The following ANKRD23 variants were observed in gnomAD, a reference collection of about 807,000 sequenced individuals.
ANKRD23 encodes the protein ankyrin repeat domain 23, also known as ankyrin repeat domain-containing protein 23.
ANKRD23 carries 52 observed loss-of-function variants against 38.1 expected under a neutral mutation model. That is an observed-to-expected ratio of 1.36 (90% CI 1.09 to 1.72). ANKRD23 has a LOEUF of 1.72. Among genes scored for constraint, ANKRD23 ranks in the 40% most tolerant of loss-of-function variants. The pLI is 0.00. For missense variants in ANKRD23, 416 were observed against 400.2 expected (o/e 1.04, Z -0.34); for synonymous variants, 167 against 162.9 (o/e 1.03, Z -0.19).
chr2:96,839,917 C>A (rs1462297735), intron 7 of ANKRD23, 80 bp downstream of exon 7: 1 of 1,547,692 alleles, frequency 6.5e-7, no homozygotes, highest in Non-Finnish European at 8.7e-7. Context: ...GCAGACAGCA[C>A]CTCTGGTCCT....
Position 96,839,773 on chromosome 2 carries a change from A to T in ANKRD23, c.776T>A (p.Met259Lys), listed in dbSNP as rs200423018. 1.2e-6 allele frequency: 2 copies of T among 1,613,328 alleles called. No individual in the cohort carries two copies. Among genetic ancestry groups the T allele is most frequent in the Admixed American group, 1.7e-5 (1 of 60,006 alleles). ...GGCCCCATAGAGCAGCAGTAGCTTC[A>T]TGGCTTTGTAGCTGCCGTGCCGCAC... ...EAVRHGSYKAMKLLLLYGAEL... is the reference protein window; with the variant it reads ...EAVRHGSYKAKKLLLLYGAEL... Residue 259 changes from methionine (M) to lysine (K), a missense_variant, in exon 8 of 9, where the codon ATG (methionine) becomes AAG (lysine). Met to Lys is a moderately conservative substitution (Grantham distance 95). Coordinates refer to ENST00000318357, the MANE Select transcript of ANKRD23 (RefSeq NM_144994.8).
Position 96,839,095 on chromosome 2 carries a change from C to G in ANKRD23, c.*454G>C. The G allele has an allele frequency of 1.0e-6, 1 of 989,734 alleles. No individual in the cohort carries two copies. Among genetic ancestry groups the G allele is most frequent in the Non-Finnish European group, 1.2e-6 (1 of 833,030 alleles). 61.3% of individuals were successfully genotyped at this position (989,734 alleles called of 1,614,324 possible). A position where few individuals can be genotyped will look rare whatever the true frequency, so the allele number is the denominator to read the frequency against. On this transcript the variant is annotated 3_prime_UTR_variant, in exon 9 of 9. Transcript: ENST00000318357. Reference sequence around the variant, plus strand: ...GCACCTTGTACATCCTGGATGGCATCTGCCGGCCACGGGCTGAGTCCCCAC... The same window carrying G: ...GCACCTTGTACATCCTGGATGGCATGTGCCGGCCACGGGCTGAGTCCCCAC...
chr2:96,842,431 C>G lies in ANKRD23; in HGVS notation c.108G>C (p.Trp36Cys). 6.2e-7 allele frequency: 1 copy of G among 1,614,054 alleles called. No individual in the cohort carries two copies. Among genetic ancestry groups the G allele is most frequent in the Non-Finnish European group, 8.5e-7 (1 of 1,180,022 alleles). Reference sequence around the variant, plus strand: ...CCACAGCCTCTTGGGGGCCCCTCCTCCAGTCACTAGGCCAGGCTCCAGGGT... The same window carrying G: ...CCACAGCCTCTTGGGGGCCCCTCCTGCAGTCACTAGGCCAGGCTCCAGGGT... ...VPDPGAWPSD[W>C]RRGPQEAVAR... The change falls in exon 2 of 9, where the codon TGG becomes TGC. Residue 36 changes from tryptophan to cysteine, a missense_variant. Physicochemically the swap from Trp to Cys is radical, Grantham distance 215 (BLOSUM62 -2). Coordinates refer to ENST00000318357, the MANE Select transcript of ANKRD23 (RefSeq NM_144994.8).
chr2:96,843,036 G>T (rs1225165835), intron 1 of ANKRD23, among the ~76,000 whole-genome samples: 1 of 152,234 alleles, frequency 6.6e-6, no homozygotes, highest in Non-Finnish European at 1.5e-5. Flanking sequence ...AAGGAGTTGT[G>T]AAGGTTATGA....
At chr2:96,841,228 C>T (rs1006575536) in intron 3 of ANKRD23, 18 of 264,032 alleles carry the variant, frequency 6.8e-5, no homozygotes, top group Non-Finnish European at 1.0e-4. Flanking sequence ...GTCACACCGG[C>T]GTATGGTGGG....
intron 1 of ANKRD23, among the ~76,000 whole-genome samples, chr2:96,843,003 C>T (rs1256460931): frequency 6.6e-6 from 1 of 152,222 alleles, no homozygotes; most frequent in Non-Finnish European, 1.5e-5. Context: ...CATTTAAGCT[C>T]AAACACTTAA....
chr2:96,842,780 G>C (rs2079776120), intron 1 of ANKRD23, among the ~76,000 whole-genome samples: 1 of 152,240 alleles, frequency 6.6e-6, no homozygotes. Flanking sequence ...CAGGAACACA[G>C]CTGGGGGGAC....
At chr2:96,843,552 T>TG (rs2079783228) in intron 1 of ANKRD23, among the ~76,000 whole-genome samples, 10 of 152,294 alleles carry the variant, frequency 6.6e-5, no homozygotes, top group African/African-American at 2.4e-4. Context: ...CTGTTCCTCT[T>TG]TCACCATCAC....
rs2079729267 is a variant in ANKRD23, at chr2:96,839,296, G to C, written c.*253C>G. ...GCCCTCATCTGGACCCGCGCTTTCTGCTGCCTTGTGGTCCTCTGCTCCAGC... is the reference window on the plus strand; with the variant it reads ...GCCCTCATCTGGACCCGCGCTTTCTCCTGCCTTGTGGTCCTCTGCTCCAGC... On this transcript the variant is annotated 3_prime_UTR_variant, in exon 9 of 9. Coordinates refer to ENST00000318357, the MANE Select transcript of ANKRD23 (RefSeq NM_144994.8). 2.5e-6 allele frequency: 3 copies of C among 1,219,942 alleles called. No homozygotes were observed. Among genetic ancestry groups the C allele is most frequent in the South Asian group, 8.2e-5 (2 of 24,392 alleles). 75.6% of individuals were successfully genotyped at this position (1,219,942 alleles called of 1,614,324 possible).
intron 3 of ANKRD23, among the ~76,000 whole-genome samples, chr2:96,841,800 C>G (rs999270346): frequency 3.3e-5 from 5 of 152,218 alleles, no homozygotes; most frequent in African/African-American, 1.2e-4. Flanking sequence ...GGGAACCAGC[C>G]TCGCCAACAC....
chr2:96,837,981 G>C lies in ANKRD23; in HGVS notation c.*1568C>G, dbSNP rs534202550. 1 of 152,378 alleles carries C rather than the reference G, an allele frequency of 6.6e-6. No homozygotes were observed. Among genetic ancestry groups the C allele is most frequent in the South Asian group, 2.1e-4 (1 of 4,832 alleles). 9.4% of individuals were successfully genotyped at this position (152,378 alleles called of 1,614,324 possible). A position where few individuals can be genotyped will look rare whatever the true frequency, so the allele number is the denominator to read the frequency against. ...ATAAAAAGGTGTGTTTGTCACTGAG[G>C]TGTCCTCATTTTCTAGATGAGGAGT... On this transcript the variant is annotated 3_prime_UTR_variant, in exon 9 of 9. Transcript: ENST00000318357.
At chr2:96,843,555 AC>A (rs2079783384) in intron 1 of ANKRD23, among the ~76,000 whole-genome samples, 10 of 152,210 alleles carry the variant, frequency 6.6e-5, no homozygotes, top group African/African-American at 2.4e-4. Context: ...TTCCTCTTTC[AC>A]CATCACTATC....
At position 96,839,344 on chromosome 2, in the gene ANKRD23, CT is replaced by C. The variant is rs2153358380; in HGVS notation, c.*204del. On this transcript the variant is annotated 3_prime_UTR_variant, in exon 9 of 9. Coordinates refer to ENST00000318357, the MANE Select transcript of ANKRD23 (RefSeq NM_144994.8). ...AGCCCTGGGAGGGAACGCGGCTCCC[CT>C]GACACTCGAAGCCAGGGAGGCCTCT... 6.4e-6 allele frequency: 8 copies of C among 1,253,426 alleles called. No individual in the cohort carries two copies. Among genetic ancestry groups the C allele is most frequent in the Non-Finnish European group, 8.0e-6 (8 of 1,001,526 alleles). 77.6% of individuals were successfully genotyped at this position (1,253,426 alleles called of 1,614,324 possible).
chr2:96,840,880 GC>G lies in ANKRD23; in HGVS notation c.332del (p.Gly111AlafsTer6), dbSNP rs748674513. ...CAGCTGCCTTCAGGAACATCTCCAGGCCCACAGGCTCCACCTGGGCCTGGGA... is the reference window on the plus strand; with the variant it reads ...CAGCTGCCTTCAGGAACATCTCCAGGCCACAGGCTCCACCTGGGCCTGGGA... ...PQSQAQVEPV[G>X]LEMFLKAAAE... is the part of the protein sequence containing the mutation. On this transcript the variant is annotated frameshift_variant, in exon 4 of 9. Transcript: ENST00000318357. LOFTEE classifies it high-confidence loss of function. The G allele has an allele frequency of 6.2e-7, 1 of 1,614,146 alleles. No individual in the cohort carries two copies. The highest frequency in any genetic ancestry group is 1.7e-5 in the Admixed American group (1 of 60,014).
At position 96,839,281 on chromosome 2, in the gene ANKRD23, G is replaced by A. The variant is rs1574126429; in HGVS notation, c.*268C>T. 8.3e-7 allele frequency: 1 copy of A among 1,208,348 alleles called. No individual in the cohort carries two copies. Among genetic ancestry groups the A allele is most frequent in the Non-Finnish European group, 1.0e-6 (1 of 973,230 alleles). The allele number at this position is 1,208,348 out of a possible 1,614,324, so 74.9% of individuals were successfully genotyped here. A position where few individuals can be genotyped will look rare whatever the true frequency, so the allele number is the denominator to read the frequency against. On this transcript the variant is annotated 3_prime_UTR_variant, in exon 9 of 9. Coordinates refer to ENST00000318357, the MANE Select transcript of ANKRD23 (RefSeq NM_144994.8). ...CTCCTCCCCTTCCTGGCCCTCATCT[G>A]GACCCGCGCTTTCTGCTGCCTTGTG... is the stretch of plus-strand genomic sequence containing the variant.
In ANKRD23 at chr2:96,840,306, C is replaced by T. The variant is rs746828314; in HGVS notation, c.550G>A (p.Ala184Thr). The T allele has an allele frequency of 1.2e-6, 2 of 1,608,646 alleles. No individual in the cohort carries two copies. The highest frequency in any genetic ancestry group is 4.5e-5 in the East Asian group (2 of 44,786). The change falls in exon 6 of 9, where the codon GCC becomes ACC. Residue 184 changes from alanine (A) to threonine (T), a missense_variant. Ala to Thr is a moderately conservative substitution (Grantham distance 58). Transcript: ENST00000318357. ...DLLDRTPVFWACRGGHLVILK... is the reference protein window; with the variant it reads ...DLLDRTPVFWTCRGGHLVILK... ...ATGACCAGATGTCCTCCGCGGCAGG[C>T]CCAGAACACAGGTGTCCTGTCCAGC...
Position 96,840,240 on chromosome 2 carries a change from G to C in ANKRD23, c.616C>G (p.Arg206Gly), listed in dbSNP as rs752337725. The C allele has an allele frequency of 1.9e-5, 31 of 1,610,202 alleles. No homozygotes were observed. In the Admixed American group the frequency reaches 5.2e-4, roughly 27 times the overall value. Residue 206 changes from arginine (R) to glycine (G), a missense_variant, in exon 6 of 9, where the codon CGG becomes GGG. Arg to Gly is a moderately radical substitution (Grantham distance 125, BLOSUM62 -2). Transcript: ENST00000318357. ...AGCACCGTGCCCCTCACCTTGTCCC[G>C]GGCATTGACCCGGGCTCCCTGGTTA... ...LLNQGARVNA[R>G]DKIGSTPLHV...
At chr2:96,843,675 C>T (rs1293677064) in intron 1 of ANKRD23, among the ~76,000 whole-genome samples, 3 of 152,174 alleles carry the variant, frequency 2.0e-5, no homozygotes, top group East Asian at 1.9e-4. Context: ...CGAGCAGACA[C>T]ACCAGAAAGA....
At chr2:96,840,378 G>A in intron 5 of ANKRD23, 38 bp downstream of exon 5, 1 of 1,611,280 alleles carries the variant, frequency 6.2e-7, no homozygotes, top group Non-Finnish European at 8.5e-7. Flanking sequence ...ATGTGAAGCT[G>A]GGCGTCGACC....
Sources: gnomAD v4.1 joint callset for allele counts (sites outside exome capture counted in the v4.1 genomes callset) on GRCh38, gnomAD v4.1.1 for gene constraint, MANE v1.5 for transcripts, NCBI Gene and HGNC (gene_info 2026-07-23, HGNC 2026-07-21) for gene names.